Variants in BTBD8 observed in about 807,000 individuals in gnomAD.
The protein encoded by BTBD8 is BTB domain containing 8, also known as BTB/POZ domain-containing protein 8.
BTBD8 carries 110 observed loss-of-function variants against 162.9 expected under a neutral mutation model. That is an observed-to-expected ratio of 0.68 (90% confidence interval 0.58 to 0.79). The LOEUF (loss-of-function observed/expected upper bound fraction) is 0.79, where lower values mean the gene tolerates loss of function less well. Among genes scored for constraint, BTBD8 ranks in the 30% least tolerant of loss-of-function variants. BTBD8 has a pLI of 0.00. For missense variants in BTBD8, 1,905 were observed against 2,085.4 expected, an observed-to-expected ratio of 0.91 and a Z score of 1.68; for synonymous variants, 667 against 716.1, an observed-to-expected ratio of 0.93 and a Z score of 1.10.
chr1:92,133,471 C>G (rs374706800), intron 5 of BTBD8, among the ~76,000 whole-genome samples: 6 of 152,330 alleles, frequency 3.9e-5, no homozygotes, highest in Admixed American at 3.9e-4. Context: ...CTTTGCATAA[C>G]CAGCAGCTTC....
intron 4 of BTBD8, among the ~76,000 whole-genome samples, chr1:92,128,920 T>G (rs974820341): frequency 2.7e-5 from 4 of 150,860 alleles, no homozygotes; most frequent in East Asian, 1.9e-4. Flanking sequence ...TGTTTTTTGG[T>G]TTTTTTTTCA....
chr1:92,138,249 A>G (rs1050637112), intron 5 of BTBD8, among the ~76,000 whole-genome samples: 1 of 152,196 alleles, frequency 6.6e-6, no homozygotes, highest in Non-Finnish European at 1.5e-5. Flanking sequence ...GAATGATCCA[A>G]TTTTTATAAT....
chr1:92,130,519 A>T lies in BTBD8; in HGVS notation c.752+743A>T, dbSNP rs935228985. Among the ~76,000 whole-genome samples the T allele has an allele frequency of 4.1e-3, 273 of 67,272 alleles. 1 individual carries two copies. Among genetic ancestry groups the T allele is most frequent in the Middle Eastern group, 6.6e-3 (1 of 152 alleles). The allele number at this position is 67,272 out of a possible 152,430, so 44.1% of individuals were successfully genotyped here. A position where few individuals can be genotyped will look rare whatever the true frequency, so the allele number is the denominator to read the frequency against. On this transcript the variant is annotated intron_variant, in intron 5 of 17. Coordinates refer to ENST00000636805, the MANE Select transcript of BTBD8 (RefSeq NM_001376131.1). ...CAGAGCCAAACCCTGTCTCAAAAAA[A>T]ATATATATATATATATATTTACACA...
chr1:92,182,886 TTTAG>T lies in BTBD8; in HGVS notation c.4912+295_4912+298del, dbSNP rs1414842580. 4.6e-5 allele frequency among the ~76,000 whole-genome samples: 7 copies of T among 152,060 alleles called. No individual in the cohort carries two copies. The South Asian group carries it at 1.0e-3, about 22-fold the overall frequency. On this transcript the variant is annotated intron_variant, in intron 17 of 17. Coordinates refer to ENST00000636805, the MANE Select transcript of BTBD8 (RefSeq NM_001376131.1). ...AAAAGAAAAACTTAGTTTGCTGCTA[TTTAG>T]TTATTTATGTATAATTTAACACAAG...
intron 1 of BTBD8, among the ~76,000 whole-genome samples, chr1:92,084,708 G>A (rs1251939773): frequency 1.3e-5 from 2 of 152,166 alleles, no homozygotes; most frequent in African/African-American, 4.8e-5. Flanking sequence ...CCCATATCTT[G>A]TTTGCTGGCT....
chr1:92,110,802 C>T (rs1389932820), intron 4 of BTBD8, among the ~76,000 whole-genome samples: 2 of 152,156 alleles, frequency 1.3e-5, no homozygotes, highest in African/African-American at 2.4e-5. Context: ...CTCGGCCTCC[C>T]AAAGTGCTGG....
chr1:92,118,804 T>TTTTTC (rs1553122681), intron 4 of BTBD8, among the ~76,000 whole-genome samples: 3 of 19,234 alleles, frequency 1.6e-4, no homozygotes, highest in Admixed American at 5.5e-4. Flanking sequence ...TCTTTCTTTC[T>TTTTTC]TTTTTTTTTT....
chr1:92,081,598 G>A (rs1177522528), intron 1 of BTBD8, among the ~76,000 whole-genome samples: 1 of 151,918 alleles, frequency 6.6e-6, no homozygotes, highest in Non-Finnish European at 1.5e-5. Flanking sequence ...TTTGGAGACG[G>A]AGTCTCGCTC....
chr1:92,125,943 T>A (rs1649342235), intron 4 of BTBD8: 1 of 447,882 alleles, frequency 2.2e-6, no homozygotes, highest in African/African-American at 2.0e-5. Flanking sequence ...TGTTTTGATT[T>A]ATGGAACACC....
chr1:92,081,526 A>T (rs1444535561), intron 1 of BTBD8, among the ~76,000 whole-genome samples: 1 of 152,216 alleles, frequency 6.6e-6, no homozygotes, highest in Non-Finnish European at 1.5e-5. Flanking sequence ...TGACTATGAG[A>T]ACCACTGAGG....
At chr1:92,098,234 A>T (rs1220845515) in intron 2 of BTBD8, among the ~76,000 whole-genome samples, 1 of 152,156 alleles carries the variant, frequency 6.6e-6, no homozygotes, top group Non-Finnish European at 1.5e-5. Context: ...CAAGTTTATA[A>T]ATAAATCTTT....
chr1:92,156,885 A>G (rs932371843), intron 9 of BTBD8, among the ~76,000 whole-genome samples: 1 of 151,512 alleles, frequency 6.6e-6, no homozygotes, highest in Non-Finnish European at 1.5e-5. Context: ...CAAAAAAGCA[A>G]CTCAGTTTTG....
chr1:92,125,825 A>T, intron 4 of BTBD8: 1 of 402,738 alleles, frequency 2.5e-6, no homozygotes, highest in Admixed American at 2.8e-5. Context: ...TGATTCTGCA[A>T]GGTGATGAAG....
At chr1:92,119,823 G>C (rs559614115) in intron 4 of BTBD8, among the ~76,000 whole-genome samples, 8 of 148,076 alleles carry the variant, frequency 5.4e-5, no homozygotes, top group Non-Finnish European at 1.0e-4. Flanking sequence ...GTTTCACCGT[G>C]ATCTCGATTT....
At chr1:92,131,025 T>G (rs956537339) in intron 5 of BTBD8, among the ~76,000 whole-genome samples, 1 of 152,190 alleles carries the variant, frequency 6.6e-6, no homozygotes, top group Non-Finnish European at 1.5e-5. Context: ...TTTTAAATAC[T>G]AATATAACAC....
intron 4 of BTBD8, chr1:92,125,439 TAATG>T (rs1649330403): frequency 3.3e-6 from 1 of 302,222 alleles, no homozygotes. Context: ...CCCGAGGGAC[TAATG>T]GCATTCCTCA....
At position 92,129,681 on chromosome 1, in the gene BTBD8, C is replaced by T. The variant is rs770645050; in HGVS notation, c.663-6C>T. 3.1e-6 allele frequency: 5 copies of T among 1,612,286 alleles called. No individual in the cohort carries two copies. Among genetic ancestry groups the T allele is most frequent in the Non-Finnish European group, 1.7e-6 (2 of 1,178,420 alleles). On this transcript the variant is annotated splice_polypyrimidine_tract_variant and splice_region_variant and intron_variant, in intron 4 of 17. Coordinates refer to ENST00000636805, the MANE Select transcript of BTBD8 (RefSeq NM_001376131.1). ...TACCTGTGTTTCTCCCCCCTCTTCC[C>T]TTTAGGGCCATTTTGAGTGCCAGAT...
At chr1:92,091,096 T>G (rs1648282398) in intron 2 of BTBD8, among the ~76,000 whole-genome samples, 1 of 152,186 alleles carries the variant, frequency 6.6e-6, no homozygotes, top group Non-Finnish European at 1.5e-5. Context: ...CTTGTCAAAT[T>G]GTGATCCCCA....
At chr1:92,139,647 T>A in intron 6 of BTBD8, 1 of 913,776 alleles carries the variant, frequency 1.1e-6, no homozygotes, top group Non-Finnish European at 1.3e-6. Flanking sequence ...TTGAGAACAG[T>A]CTTTATTAGA....
Sources: allele counts gnomAD v4.1 joint callset (sites outside exome capture counted in the v4.1 genomes callset), GRCh38; gene constraint gnomAD v4.1.1; transcripts MANE v1.5; gene names NCBI Gene and HGNC (gene_info 2026-07-23, HGNC 2026-07-21).